The following PAK5 variants were observed in gnomAD, a reference collection of about 807,000 sequenced individuals.
The protein encoded by PAK5 is serine/threonine-protein kinase PAK 5.
In PAK5, 16 loss-of-function variants were observed where a neutral mutation model predicts 65.9. The ratio of observed to expected loss-of-function variants is 0.24; its 90% CI spans 0.16 to 0.37. The LOEUF is 0.37. Ranked by LOEUF, PAK5 falls within the 10% of genes least tolerant of loss-of-function variation. PAK5 has a pLI of 1.00. For synonymous variants in PAK5, 371 were observed against 354.9 expected (o/e 1.05, Z -0.51); for missense variants, 785 against 903.9 (o/e 0.87, Z 1.69).
At chr20:9,624,614 C>A (rs1455719507) in intron 3 of PAK5, among the ~76,000 whole-genome samples, 5 of 145,230 alleles carry the variant, frequency 3.4e-5, no homozygotes, top group Non-Finnish European at 6.1e-5. Context: ...TCCCATTATA[C>A]CCTTGACAAG....
intron 2 of PAK5, among the ~76,000 whole-genome samples, chr20:9,664,935 GT>G (rs903533411): frequency 6.6e-6 from 1 of 151,852 alleles, no homozygotes; most frequent in African/African-American, 2.4e-5. Context: ...GAGTCTTTTT[GT>G]TTTTTTAACA....
At chr20:9,598,539 T>C (rs1158639647) in intron 3 of PAK5, among the ~76,000 whole-genome samples, 1 of 152,244 alleles carries the variant, frequency 6.6e-6, no homozygotes, top group African/African-American at 2.4e-5. Context: ...CACCACACTG[T>C]CTTCCACAAT....
rs2048083365 is a variant in PAK5, at chr20:9,712,035, C to T, written c.-161-600G>A. ...GAACTCACAATCAACAGCACTGTAGCTTATGCCTCCACAAAGATTTTCTAA... is the reference window on the plus strand; with the variant it reads ...GAACTCACAATCAACAGCACTGTAGTTTATGCCTCCACAAAGATTTTCTAA... On this transcript the variant is annotated intron_variant, in intron 1 of 9. Transcript: ENST00000353224. Among the ~76,000 whole-genome samples, 4 of 152,160 alleles carry T rather than the reference C, an allele frequency of 2.6e-5. No individual in the cohort carries two copies. The South Asian group carries it at 8.3e-4, about 32-fold the overall frequency.
intron 3 of PAK5, among the ~76,000 whole-genome samples, chr20:9,625,460 C>T (rs1173624568): frequency 6.6e-6 from 1 of 152,218 alleles, no homozygotes; most frequent in Non-Finnish European, 1.5e-5. Context: ...CTACACCACG[C>T]CCATGGATGG....
chr20:9,686,293 G>A (rs946760726), intron 2 of PAK5, among the ~76,000 whole-genome samples: 3 of 152,208 alleles, frequency 2.0e-5, no homozygotes, highest in African/African-American at 7.2e-5. Context: ...ACTGGTGTCT[G>A]AGTGGGTTCA....
intron 3 of PAK5, among the ~76,000 whole-genome samples, chr20:9,605,031 C>T (rs1487727500): frequency 1.3e-5 from 2 of 152,168 alleles, no homozygotes; most frequent in African/African-American, 4.8e-5. Context: ...TTCCAGAAAG[C>T]CACATGACAG....
chr20:9,747,724 A>G (rs1291400042), intron 1 of PAK5, among the ~76,000 whole-genome samples: 2 of 151,948 alleles, frequency 1.3e-5, no homozygotes, highest in African/African-American at 2.4e-5. Context: ...CCCACAGCCA[A>G]TATCATACTG....
At chr20:9,590,047 G>C (rs145045902) in intron 3 of PAK5, among the ~76,000 whole-genome samples, 66 of 152,046 alleles carry the variant, frequency 4.3e-4, no homozygotes, top group African/African-American at 1.5e-3. Flanking sequence ...GAGTATAGTG[G>C]TGCAATCATA....
intron 1 of PAK5, among the ~76,000 whole-genome samples, chr20:9,823,762 T>C (rs2049451373): frequency 6.6e-6 from 1 of 152,224 alleles, no homozygotes; most frequent in African/African-American, 2.4e-5. Flanking sequence ...CGGTATTCCA[T>C]GAACGTTCCA....
chr20:9,543,126 A>T lies in PAK5; in HGVS notation c.1870-406T>A, dbSNP rs60803569. ...TTGACATATTTGTAACAAACTGCAA[A>T]GGGCTACCTTGCAGGATGCAGAATA... On this transcript the variant is annotated intron_variant, in intron 8 of 9. Transcript: ENST00000353224. 2.6e-3 allele frequency among the ~76,000 whole-genome samples: 393 copies of T among 152,308 alleles called. 18 individuals are homozygous for T. In the East Asian group the frequency reaches 0.067, roughly 26 times the overall value.
intron 1 of PAK5, among the ~76,000 whole-genome samples, chr20:9,802,682 T>G (rs2049182902): frequency 6.6e-6 from 1 of 151,582 alleles, no homozygotes; most frequent in South Asian, 2.1e-4. Context: ...AAATATAATC[T>G]CAGGAAGTAG....
intron 3 of PAK5, among the ~76,000 whole-genome samples, chr20:9,611,378 G>A (rs910467166): frequency 5.3e-5 from 8 of 152,092 alleles, no homozygotes; most frequent in African/African-American, 1.2e-4. Flanking sequence ...AGGGGATAAC[G>A]GCCTTATTAT....
chr20:9,700,964 TA>T (rs1342598268), intron 2 of PAK5, among the ~76,000 whole-genome samples: 1 of 152,112 alleles, frequency 6.6e-6, no homozygotes, highest in Non-Finnish European at 1.5e-5. Flanking sequence ...AAGCTTCCTT[TA>T]AAAAACTGGA....
intron 3 of PAK5, among the ~76,000 whole-genome samples, chr20:9,629,026 A>G (rs1397483652): frequency 1.3e-5 from 2 of 152,142 alleles, no homozygotes; most frequent in East Asian, 1.9e-4. Context: ...TCAACAAACC[A>G]GGCTTCTTCT....
intron 1 of PAK5, among the ~76,000 whole-genome samples, chr20:9,816,728 A>T (rs917261741): frequency 1.3e-5 from 2 of 152,164 alleles, no homozygotes; most frequent in Admixed American, 6.5e-5. Flanking sequence ...ATAGCAGATC[A>T]TGGGACTTCT....
chr20:9,542,503 TG>T, intron 9 of PAK5, 82 bp downstream of exon 9: 1 of 1,323,950 alleles, frequency 7.6e-7, no homozygotes. Context: ...CTGCTGGATG[TG>T]GTAAGCCAGT....
intron 7 of PAK5, among the ~76,000 whole-genome samples, chr20:9,545,182 G>A (rs1185416155): frequency 6.6e-6 from 1 of 152,090 alleles, no homozygotes; most frequent in Non-Finnish European, 1.5e-5. Context: ...CATCCTAAGG[G>A]CTCAGTGTAT....
intron 3 of PAK5, among the ~76,000 whole-genome samples, chr20:9,596,904 G>A (rs907092350): frequency 2.0e-5 from 3 of 152,276 alleles, no homozygotes; most frequent in African/African-American, 7.2e-5. Flanking sequence ...CTCCAAGGGA[G>A]CAGGTCTGGC....
chr20:9,816,910 G>A (rs1416968947), intron 1 of PAK5, among the ~76,000 whole-genome samples: 1 of 152,112 alleles, frequency 6.6e-6, no homozygotes, highest in South Asian at 2.1e-4. Flanking sequence ...TGGGACACCT[G>A]GAATCTTGTG....
Sources: allele counts gnomAD v4.1 joint callset (sites outside exome capture counted in the v4.1 genomes callset), GRCh38; gene constraint gnomAD v4.1.1; transcripts MANE v1.5; gene names NCBI Gene and HGNC (gene_info 2026-07-23, HGNC 2026-07-21).